The following SHISA9 variants were observed in gnomAD, a reference collection of about 807,000 sequenced individuals.
The protein encoded by SHISA9 is shisa family member 9, also known as protein shisa-9.
In SHISA9, 13 loss-of-function variants were observed where a neutral mutation model predicts 38.0. The observed-to-expected ratio is 0.34, with a 90% CI of 0.22 to 0.54. SHISA9 has a LOEUF of 0.54. Among genes scored for constraint, SHISA9 ranks in the 20% least tolerant of loss-of-function variants. The probability of loss-of-function intolerance (pLI) is 0.91; values close to 1 mark genes in which losing one functional copy is unlikely to be tolerated. For missense variants in SHISA9, 538 were observed against 575.8 expected, an observed-to-expected ratio of 0.93 and a Z score of 0.67; for synonymous variants, 275 against 242.0, an observed-to-expected ratio of 1.14 and a Z score of -1.27.
the SHISA9 span, among the ~76,000 whole-genome samples, chr16:13,434,381 G>A: frequency 1.1e-4 from 17 of 148,366 alleles, 1 homozygote; most frequent in South Asian, 1.3e-3. Flanking sequence ...TCAAATTGGC[G>A]CTCAATATTA....
At chr16:13,527,347 A>G in the SHISA9 span, among the ~76,000 whole-genome samples, 1 of 152,164 alleles carries the variant, frequency 6.6e-6, no homozygotes, top group Non-Finnish European at 1.5e-5. Flanking sequence ...TTTTAGTACA[A>G]CACCACTCCC....
At chr16:12,964,291 C>G (rs971824037) in intron 2 of SHISA9, among the ~76,000 whole-genome samples, 1 of 151,810 alleles carries the variant, frequency 6.6e-6, no homozygotes, top group African/African-American at 2.4e-5. Context: ...ATTGCCTGAC[C>G]AAATGAAAAA....
chr16:13,561,963 T>A, the SHISA9 span, among the ~76,000 whole-genome samples: 1 of 152,218 alleles, frequency 6.6e-6, no homozygotes, highest in Admixed American at 6.5e-5. Flanking sequence ...AGGGGCATCA[T>A]TGAGACTGTG....
chr16:12,995,344 G>T (rs1351389303), intron 2 of SHISA9, among the ~76,000 whole-genome samples: 3 of 152,086 alleles, frequency 2.0e-5, no homozygotes, highest in Non-Finnish European at 4.4e-5. Flanking sequence ...TAGCTATTTG[G>T]GCTGGTACTT....
At chr16:12,985,650 C>T (rs985616481) in intron 2 of SHISA9, among the ~76,000 whole-genome samples, 2 of 152,136 alleles carry the variant, frequency 1.3e-5, no homozygotes, top group Non-Finnish European at 2.9e-5. Context: ...ATTTGTCTGC[C>T]ATTTCTTCCC....
At chr16:13,285,478 T>C in the SHISA9 span, among the ~76,000 whole-genome samples, 1 of 149,646 alleles carries the variant, frequency 6.7e-6, no homozygotes, top group Admixed American at 6.6e-5. Context: ...TTTTTTTTTT[T>C]TTTTTTTTTT....
chr16:13,332,008 A>T, the SHISA9 span: 1 of 152,264 alleles, frequency 6.6e-6, no homozygotes, highest in Non-Finnish European at 1.5e-5. Context: ...GTTAGAAATT[A>T]GATGGAGATA....
At chr16:13,251,292 A>G in the SHISA9 span, among the ~76,000 whole-genome samples, 1 of 152,070 alleles carries the variant, frequency 6.6e-6, no homozygotes, top group African/African-American at 2.4e-5. Context: ...CCTGTATTTG[A>G]TATTTCTTGA....
chr16:12,902,725 C>A, intron 1 of SHISA9, 98 bp downstream of exon 1: 1 of 1,240,800 alleles, frequency 8.1e-7, no homozygotes, highest in Non-Finnish European at 1.1e-6. Flanking sequence ...ACGGTCCCCG[C>A]TCCCCGCATC....
rs577652831 is a variant in SHISA9, at chr16:13,059,188, C to T, written c.691+142373C>T. ...TGTCGCCCAGGCTGGAGTGCAGTGG[C>T]GTGATCTCGGCTCATTGCAAGCTCC... is the stretch of plus-strand genomic sequence containing the variant. On this transcript the variant is annotated intron_variant, in intron 2 of 4. Coordinates refer to ENST00000558583, the MANE Select transcript of SHISA9 (RefSeq NM_001145204.3). 1.9e-3 allele frequency among the ~76,000 whole-genome samples: 250 copies of T among 131,802 alleles called. 1 individual carries two copies. The highest frequency in any genetic ancestry group is 7.1e-3 in the African/African-American group (240 of 34,018). The allele number at this position is 131,802 out of a possible 152,430, so 86.5% of individuals were successfully genotyped here.
At chr16:13,008,409 A>G (rs574410797) in intron 2 of SHISA9, among the ~76,000 whole-genome samples, 1 of 152,258 alleles carries the variant, frequency 6.6e-6, no homozygotes, top group Admixed American at 6.5e-5. Context: ...CCCAACTAAG[A>G]TAGTGCCTTG....
the SHISA9 span, among the ~76,000 whole-genome samples, chr16:13,472,015 G>C: frequency 4.6e-5 from 7 of 152,216 alleles, no homozygotes. Context: ...TGGAGAATGA[G>C]ATGGTCTAGA....
At chr16:12,911,146 C>T (rs895705265) in intron 1 of SHISA9, 1 of 559,790 alleles carries the variant, frequency 1.8e-6, no homozygotes, top group Non-Finnish European at 2.3e-6. Flanking sequence ...GGCCTGTGAA[C>T]CAGCAGCATT....
chr16:12,967,415 T>G (rs1484489119), intron 2 of SHISA9, among the ~76,000 whole-genome samples: 4 of 151,758 alleles, frequency 2.6e-5, no homozygotes, highest in Middle Eastern at 3.4e-3. Flanking sequence ...GTTGTGGGGT[T>G]GGGGGAGCGG....
chr16:13,215,282 G>A (rs1483452369), intron 4 of SHISA9, among the ~76,000 whole-genome samples: 1 of 152,174 alleles, frequency 6.6e-6, no homozygotes, highest in East Asian at 1.9e-4. Context: ...CTAAGCCTTG[G>A]CTCAGAAACA....
At chr16:13,397,415 G>GGTTTGTTTGTTTGTTT in the SHISA9 span, among the ~76,000 whole-genome samples, 6 of 151,858 alleles carry the variant, frequency 4.0e-5, no homozygotes, top group African/African-American at 1.5e-4. Context: ...CAGTGTTTTT[G>GGTTTGTTTGTTTGTTT]GTTTGTTTGT....
chr16:13,262,984 A>G, the SHISA9 span, among the ~76,000 whole-genome samples: 1 of 152,030 alleles, frequency 6.6e-6, no homozygotes, highest in African/African-American at 2.4e-5. Flanking sequence ...TCTCTTTTTT[A>G]TTCCCCATCT....
chr16:13,469,411 A>AAGAAAGAG, the SHISA9 span, among the ~76,000 whole-genome samples: 7 of 127,300 alleles, frequency 5.5e-5, no homozygotes, highest in African/African-American at 2.2e-4. Context: ...GAAAGAAAGA[A>AAGAAAGAG]AGAAAGAAAG....
At chr16:13,082,567 G>C (rs2073663459) in intron 2 of SHISA9, 1 of 152,020 alleles carries the variant, frequency 6.6e-6, no homozygotes, top group South Asian at 2.1e-4. Context: ...CTCTCTCATT[G>C]GCTTGAATGG....
Sources: gnomAD v4.1 joint callset for allele counts (sites outside exome capture counted in the v4.1 genomes callset) on GRCh38, gnomAD v4.1.1 for gene constraint, MANE v1.5 for transcripts, NCBI Gene and HGNC (gene_info 2026-07-23, HGNC 2026-07-21) for gene names.